Variants in RUNX1 observed in about 807,000 individuals in gnomAD.
RUNX1 encodes the protein runt-related transcription factor 1.
In RUNX1, 19 loss-of-function variants were observed where a neutral mutation model predicts 42.8. The observed-to-expected ratio is 0.44, with a 90% CI of 0.31 to 0.65. The LOEUF is 0.65. RUNX1 is among the 30% of genes least tolerant of loss of function. RUNX1 has a pLI of 0.07. For missense variants in RUNX1, 528 were observed against 672.0 expected, an observed-to-expected ratio of 0.79 and a Z score of 2.37; for synonymous variants, 271 against 289.4, an observed-to-expected ratio of 0.94 and a Z score of 0.64.
intron 2 of RUNX1, among the ~76,000 whole-genome samples, chr21:34,908,020 G>A (rs2058238473): frequency 6.6e-6 from 1 of 152,150 alleles, no homozygotes; most frequent in South Asian, 2.1e-4. Flanking sequence ...CCACCCCCAT[G>A]CTCTGCCACT....
chr21:35,034,055 G>A (rs1486603827), intron 2 of RUNX1, among the ~76,000 whole-genome samples: 1 of 152,116 alleles, frequency 6.6e-6, no homozygotes, highest in African/African-American at 2.4e-5. Context: ...TCTCTAGAAG[G>A]CCTTCTCTTG....
intron 2 of RUNX1, among the ~76,000 whole-genome samples, chr21:34,959,284 G>T (rs914603945): frequency 1.2e-4 from 18 of 151,988 alleles, no homozygotes; most frequent in Admixed American, 5.9e-4. Context: ...GGGGAACAAA[G>T]AAGTGCACTG....
chr21:35,048,290 T>C (rs2059415281), intron 2 of RUNX1, among the ~76,000 whole-genome samples: 1 of 152,324 alleles, frequency 6.6e-6, no homozygotes, highest in Non-Finnish European at 1.5e-5. Context: ...CTCTCTGCCT[T>C]ATAGAGACAG....
chr21:34,939,526 T>C (rs1019750848), intron 2 of RUNX1, among the ~76,000 whole-genome samples: 2 of 152,310 alleles, frequency 1.3e-5, no homozygotes, highest in East Asian at 1.9e-4. Flanking sequence ...CCACCTGCCA[T>C]ATCAGAATGA....
At chr21:34,909,328 A>G (rs924397758) in intron 2 of RUNX1, among the ~76,000 whole-genome samples, 1 of 152,078 alleles carries the variant, frequency 6.6e-6, no homozygotes, top group African/African-American at 2.4e-5. Context: ...TGCTCATATC[A>G]CTTATATCTT....
intron 7 of RUNX1, among the ~76,000 whole-genome samples, chr21:34,804,159 C>T (rs568907348): frequency 2.0e-5 from 3 of 152,276 alleles, no homozygotes; most frequent in African/African-American, 7.2e-5. Flanking sequence ...CTGATGAGAA[C>T]ACTTAATGGT....
In RUNX1 at chr21:34,987,339, G is replaced by A. The variant is rs989197640; in HGVS notation, c.58+61503C>T. 3.3e-5 allele frequency among the ~76,000 whole-genome samples: 5 copies of A among 152,156 alleles called. No individual in the cohort carries two copies. In the South Asian group the frequency reaches 6.2e-4, roughly 19 times the overall value. ...GGAAAGCCAGACATTTGAGGGGAGCGGGCTGCTGACACGAGGCAGGGAGCA... is the reference window on the plus strand; with the variant it reads ...GGAAAGCCAGACATTTGAGGGGAGCAGGCTGCTGACACGAGGCAGGGAGCA... On this transcript the variant is annotated intron_variant, in intron 2 of 8. Transcript: ENST00000675419.
intron 5 of RUNX1, among the ~76,000 whole-genome samples, chr21:34,876,666 A>C (rs1363646797): frequency 1.3e-5 from 2 of 152,200 alleles, no homozygotes; most frequent in South Asian, 4.1e-4. Flanking sequence ...AAAAACTAGA[A>C]AGAAATGTGC....
chr21:34,992,798 T>G (rs2058955463), intron 2 of RUNX1, among the ~76,000 whole-genome samples: 1 of 151,716 alleles, frequency 6.6e-6, no homozygotes, highest in South Asian at 2.1e-4. Flanking sequence ...CCCAGCAAGC[T>G]CAGACTCAGC....
intron 2 of RUNX1, among the ~76,000 whole-genome samples, chr21:34,968,365 A>G (rs1028725435): frequency 6.6e-6 from 1 of 152,132 alleles, no homozygotes; most frequent in African/African-American, 2.4e-5. Context: ...GTGGCCTCTG[A>G]AGAGTCCAAA....
At chr21:34,888,642 T>A in intron 3 of RUNX1, 1 of 1,052,172 alleles carries the variant, frequency 9.5e-7, no homozygotes, top group African/African-American at 1.7e-5. Flanking sequence ...GTGCCCTGGC[T>A]GGGTCCGGCC....
rs2057793794 is a variant in RUNX1 at position 34,874,998 on chromosome 21, GGA to G, written c.508+5557_508+5558del. On this transcript the variant is annotated intron_variant, in intron 5 of 8. Transcript: ENST00000675419. ...GGCAAGGAAGGGGTTGAGGGTGGGT[GGA>G]GAGAAGTACAGCTTCTGCCCATCAA... 2.0e-5 allele frequency among the ~76,000 whole-genome samples: 3 copies of G among 152,286 alleles called. No homozygotes were observed. The East Asian group carries it at 5.8e-4, about 29-fold the overall frequency.
At chr21:34,883,204 A>C in intron 4 of RUNX1, among the ~76,000 whole-genome samples, 1 of 152,340 alleles carries the variant, frequency 6.6e-6, no homozygotes, top group East Asian at 1.9e-4. Context: ...TTGATGTTGG[A>C]ACTTAAGAAG....
At chr21:34,965,210 A>ACAGCCTCACACACG (rs1422165745) in intron 2 of RUNX1, among the ~76,000 whole-genome samples, 2 of 152,030 alleles carry the variant, frequency 1.3e-5, no homozygotes, top group African/African-American at 4.8e-5. Context: ...GTGCACACAC[A>ACAGCCTCACACACG]CAGCCTCACA....
At chr21:35,017,801 A>C (rs1413383628) in intron 2 of RUNX1, among the ~76,000 whole-genome samples, 1 of 152,106 alleles carries the variant, frequency 6.6e-6, no homozygotes, top group Non-Finnish European at 1.5e-5. Context: ...CAGGGCATTC[A>C]CCCGGGTGCA....
chr21:35,045,768 C>A (rs1210184293), intron 2 of RUNX1, among the ~76,000 whole-genome samples: 1 of 152,138 alleles, frequency 6.6e-6, no homozygotes, highest in Non-Finnish European at 1.5e-5. Flanking sequence ...GAGCGGCAAG[C>A]CGATGCTTAG....
At chr21:34,953,876 G>A (rs187434297) in intron 2 of RUNX1, among the ~76,000 whole-genome samples, 7 of 152,338 alleles carry the variant, frequency 4.6e-5, no homozygotes, top group Non-Finnish European at 1.0e-4. Flanking sequence ...AAAGCTTGTT[G>A]TACCTTGGAT....
At chr21:34,806,662 C>A (rs2056684526) in intron 7 of RUNX1, among the ~76,000 whole-genome samples, 5 of 152,190 alleles carry the variant, frequency 3.3e-5, no homozygotes, top group Admixed American at 3.3e-4. Context: ...ACTCTAACAA[C>A]AGCAGAATAC....
chr21:35,018,513 T>C (rs552579047), intron 2 of RUNX1, among the ~76,000 whole-genome samples: 5 of 152,352 alleles, frequency 3.3e-5, no homozygotes, highest in South Asian at 2.1e-4. Context: ...CTTTGCAGCC[T>C]GAGCGGACGA....
Sources: gnomAD v4.1 joint callset for allele counts (sites outside exome capture counted in the v4.1 genomes callset) on GRCh38, gnomAD v4.1.1 for gene constraint, MANE v1.5 for transcripts, NCBI Gene and HGNC (gene_info 2026-07-23, HGNC 2026-07-21) for gene names.